THRB: variants seen among roughly 807,000 people sequenced by gnomAD.
THRB encodes nuclear receptor subfamily 1 group A member 2.
In THRB, 12 loss-of-function variants were observed where a neutral mutation model predicts 47.8. The ratio of observed to expected loss-of-function variants is 0.25; its 90% CI spans 0.16 to 0.41. The LOEUF (loss-of-function observed/expected upper bound fraction) is 0.41, where lower values mean the gene tolerates loss of function less well. Ranked by LOEUF, THRB falls within the 10% of genes least tolerant of loss-of-function variation. THRB has a pLI of 1.00. For synonymous variants in THRB, 218 were observed against 212.2 expected (o/e 1.03, Z -0.24); for missense variants, 348 against 589.2 (o/e 0.59, Z 4.24).
At chr3:24,470,807 G>A (rs2074508434) in intron 1 of THRB, among the ~76,000 whole-genome samples, 1 of 152,072 alleles carries the variant, frequency 6.6e-6, no homozygotes, top group Non-Finnish European at 1.5e-5. Flanking sequence ...AGTAGAGAGG[G>A]GGTTTCACCA....
intron 2 of THRB, among the ~76,000 whole-genome samples, chr3:24,333,447 G>A (rs548921494): frequency 6.6e-6 from 1 of 152,292 alleles, no homozygotes; most frequent in South Asian, 2.1e-4. Context: ...TTTTCCATTT[G>A]GTTAAATTGA....
intron 1 of THRB, among the ~76,000 whole-genome samples, chr3:24,461,256 C>T (rs1413809334): frequency 2.0e-5 from 3 of 152,264 alleles, no homozygotes; most frequent in Admixed American, 6.5e-5. Flanking sequence ...ACTGTGCCAC[C>T]GCAAGCAAGT....
intron 2 of THRB, among the ~76,000 whole-genome samples, chr3:24,303,750 A>T (rs2057126426): frequency 6.6e-6 from 1 of 152,196 alleles, no homozygotes; most frequent in South Asian, 2.1e-4. Flanking sequence ...TTTTTGGTGG[A>T]TAGTCTTTAT....
intron 3 of THRB, among the ~76,000 whole-genome samples, chr3:24,233,560 G>GAAGGAAGGAAGAAAGA (rs1553658178): frequency 1.0e-3 from 81 of 77,342 alleles, no homozygotes; most frequent in South Asian, 3.9e-3. Flanking sequence ...AAAGAAAAAG[G>GAAGGAAGGAAGAAAGA]AAGAAAGAAA....
At chr3:24,199,381 C>T (rs1030452703) in intron 4 of THRB, among the ~76,000 whole-genome samples, 2 of 152,196 alleles carry the variant, frequency 1.3e-5, no homozygotes, top group African/African-American at 2.4e-5. Context: ...TACTGAGCAC[C>T]TGCCTATTAA....
At chr3:24,254,000 T>A (rs2050945075) in intron 3 of THRB, among the ~76,000 whole-genome samples, 1 of 151,412 alleles carries the variant, frequency 6.6e-6, no homozygotes, top group African/African-American at 2.4e-5. Flanking sequence ...CATTTTGAAC[T>A]GAAATCTTGT....
At chr3:24,148,968 C>G (rs7652234) in intron 6 of THRB, among the ~76,000 whole-genome samples, 17,014 of 152,162 alleles carry the variant, frequency 0.11, 1,566 homozygotes, top group East Asian at 0.33. Flanking sequence ...CAGTGATGTT[C>G]ATACACTGTT....
In THRB at chr3:24,127,563, C is replaced by G; in HGVS notation, c.1080G>C (p.Leu360=). 4 of 1,614,212 alleles carry G rather than the reference C, an allele frequency of 2.5e-6. No homozygotes were observed. Among genetic ancestry groups the G allele is most frequent in the African/African-American group, 1.3e-5 (1 of 75,058 alleles). The change falls in exon 10 of 11, where the codon CTG becomes CTC. Residue 360 remains leucine, a synonymous_variant. Transcript: ENST00000646209. ...SDAIFDLGMS[L]SSFNLDDTEV... Reference sequence around the variant, plus strand: ...CAGTGTCATCCAGGTTGAAAGAAGACAGAGACATGCCCAGGTCAAAGATGG... The same window carrying G: ...CAGTGTCATCCAGGTTGAAAGAAGAGAGAGACATGCCCAGGTCAAAGATGG...
In THRB at chr3:24,380,750, C is replaced by T. The variant is rs73150334; in HGVS notation, c.-260-43379G>A. On this transcript the variant is annotated intron_variant, in intron 1 of 10. Coordinates refer to ENST00000646209, the MANE Select transcript of THRB (RefSeq NM_001354712.2). ...CCTGAAAAACAGAAGGTAGCAATTACTTCTTCCAGTTTTACAGATAAGAAG... is the reference window on the plus strand; with the variant it reads ...CCTGAAAAACAGAAGGTAGCAATTATTTCTTCCAGTTTTACAGATAAGAAG... Among the ~76,000 whole-genome samples the T allele has an allele frequency of 6.1e-3, 931 of 152,246 alleles. 3 individuals carry two copies. The highest frequency in any genetic ancestry group is 0.02 in the African/African-American group (840 of 41,534).
intron 1 of THRB, among the ~76,000 whole-genome samples, chr3:24,481,229 GTTTTTTTTTTTTTTT>G (rs746323691): frequency 1.6e-4 from 9 of 55,380 alleles, no homozygotes; most frequent in African/African-American, 5.4e-4. Flanking sequence ...GTTTCTTTCT[GTTTTTTTTTTTTTTT>G]TTTTTTTTTT....
chr3:24,136,638 T>C (rs1433311317), intron 8 of THRB, among the ~76,000 whole-genome samples: 2 of 152,232 alleles, frequency 1.3e-5, no homozygotes, highest in South Asian at 2.1e-4. Flanking sequence ...TACACATATG[T>C]ATTTATGTGC....
At chr3:24,267,933 A>C (rs1226881044) in intron 3 of THRB, among the ~76,000 whole-genome samples, 2 of 152,218 alleles carry the variant, frequency 1.3e-5, no homozygotes, top group African/African-American at 2.4e-5. Flanking sequence ...CTTCAACACC[A>C]TTAGCCCTAT....
At chr3:24,137,207 T>C (rs1266987214) in intron 8 of THRB, among the ~76,000 whole-genome samples, 1 of 152,186 alleles carries the variant, frequency 6.6e-6, no homozygotes, top group African/African-American at 2.4e-5. Context: ...GTACAAGGCA[T>C]TGGGCCAAGT....
intron 1 of THRB, among the ~76,000 whole-genome samples, chr3:24,364,805 T>C (rs1377267669): frequency 6.6e-6 from 1 of 152,138 alleles, no homozygotes; most frequent in East Asian, 1.9e-4. Flanking sequence ...CTGAGAACAA[T>C]AGGTTTTGAA....
chr3:24,418,190 C>T (rs575521911), intron 1 of THRB, among the ~76,000 whole-genome samples: 1 of 151,602 alleles, frequency 6.6e-6, no homozygotes, highest in Admixed American at 6.6e-5. Context: ...CAACCCTGTT[C>T]CCCTTTCATG....
chr3:24,229,271 A>C (rs1279930439), intron 3 of THRB, among the ~76,000 whole-genome samples: 2 of 152,218 alleles, frequency 1.3e-5, no homozygotes, highest in African/African-American at 2.4e-5. Context: ...GATTTTTAAG[A>C]AAGCTACCAG....
intron 1 of THRB, among the ~76,000 whole-genome samples, chr3:24,405,618 T>G (rs2067760248): frequency 6.6e-6 from 1 of 151,878 alleles, no homozygotes; most frequent in East Asian, 1.9e-4. Flanking sequence ...GTATACAGCT[T>G]TGTATATTAT....
Position 24,122,637 on chromosome 3 carries a change from C to A in THRB, c.*247G>T. The A allele has an allele frequency of 1.9e-6, 1 of 540,542 alleles. No individual in the cohort carries two copies. The highest frequency in any genetic ancestry group is 3.3e-6 in the Non-Finnish European group (1 of 301,756). 33.5% of individuals were successfully genotyped at this position (540,542 alleles called of 1,614,324 possible). ...GTGCTGGTGAGTTAATGATTGTCCC[C>A]CACCCCACCTCCACAACCATAAAAC... is the stretch of plus-strand genomic sequence containing the variant. On this transcript the variant is annotated 3_prime_UTR_variant, in exon 11 of 11. Coordinates refer to ENST00000646209, the MANE Select transcript of THRB (RefSeq NM_001354712.2).
At chr3:24,247,518 G>C (rs2050222079) in intron 3 of THRB, among the ~76,000 whole-genome samples, 1 of 152,318 alleles carries the variant, frequency 6.6e-6, no homozygotes, top group East Asian at 1.9e-4. Context: ...AAGTGGGAGA[G>C]ACAGGGAGCA....
Sources: gnomAD v4.1 joint callset for allele counts (sites outside exome capture counted in the v4.1 genomes callset) on GRCh38, gnomAD v4.1.1 for gene constraint, MANE v1.5 for transcripts, NCBI Gene and HGNC (gene_info 2026-07-23, HGNC 2026-07-21) for gene names.